ERC2: variants seen among roughly 807,000 people sequenced by gnomAD.
ERC2 encodes the protein ELKS/RAB6-interacting/CAST family member 2.
In ERC2, 42 loss-of-function variants were observed where a neutral mutation model predicts 114.8. That is an observed-to-expected ratio of 0.37 (90% CI 0.29 to 0.47). ERC2 has a LOEUF of 0.47. Ranked by LOEUF, ERC2 falls within the 20% of genes least tolerant of loss-of-function variation. The probability of loss-of-function intolerance (pLI) is 0.99; values close to 1 mark genes in which losing one functional copy is unlikely to be tolerated. For synonymous variants in ERC2, 454 were observed against 425.5 expected (o/e 1.07, Z -0.82); for missense variants, 939 against 1,150.7 (o/e 0.82, Z 2.66).
chr3:55,861,231 A>T (rs2062014241), intron 14 of ERC2, among the ~76,000 whole-genome samples: 1 of 152,250 alleles, frequency 6.6e-6, no homozygotes, highest in Non-Finnish European at 1.5e-5. Flanking sequence ...TCAAAGGCAG[A>T]TCCATCATTC....
intron 3 of ERC2, among the ~76,000 whole-genome samples, chr3:56,199,535 T>C (rs924431319): frequency 6.6e-6 from 1 of 151,060 alleles, no homozygotes. Flanking sequence ...AGAGACAGAG[T>C]GTTGTTCTGT....
intron 3 of ERC2, among the ~76,000 whole-genome samples, chr3:56,215,027 A>G (rs1254733335): frequency 6.6e-6 from 1 of 152,232 alleles, no homozygotes; most frequent in Admixed American, 6.5e-5. Context: ...GGTACCAGCC[A>G]CTGCAAAAAC....
intron 2 of ERC2, among the ~76,000 whole-genome samples, chr3:56,393,292 G>A (rs1560737776): frequency 6.6e-6 from 1 of 152,302 alleles, no homozygotes; most frequent in East Asian, 1.9e-4. Context: ...TAGCTACTCA[G>A]GAGGATGAAG....
At position 55,934,738 on chromosome 3, in the gene ERC2, A is replaced by G. The variant is rs143637933; in HGVS notation, c.2403+15687T>C. Among the ~76,000 whole-genome samples, 403 of 152,354 alleles carry G rather than the reference A, an allele frequency of 2.6e-3. 1 individual carries two copies. The highest frequency in any genetic ancestry group is 4.1e-3 in the Non-Finnish European group (278 of 68,024). ...GATAATTTAGGCCTTTAAGGAATCA[A>G]CATCATCCACAATGTCTACATAATT... On this transcript the variant is annotated intron_variant, in intron 13 of 17. Coordinates refer to ENST00000288221, the MANE Select transcript of ERC2 (RefSeq NM_015576.3).
At chr3:55,554,731 C>T (rs1446620768) in intron 17 of ERC2, among the ~76,000 whole-genome samples, 1 of 152,172 alleles carries the variant, frequency 6.6e-6, no homozygotes, top group African/African-American at 2.4e-5. Flanking sequence ...CTTCCCCCCT[C>T]CCCCCTTCCC....
intron 17 of ERC2, among the ~76,000 whole-genome samples, chr3:55,652,965 G>T (rs1385447043): frequency 4.0e-5 from 6 of 151,322 alleles, no homozygotes; most frequent in African/African-American, 1.5e-4. Flanking sequence ...GTACTGAAAA[G>T]TATCAGAATT....
intron 3 of ERC2, among the ~76,000 whole-genome samples, chr3:56,274,647 T>C (rs923391238): frequency 1.3e-5 from 2 of 152,210 alleles, no homozygotes; most frequent in East Asian, 1.9e-4. Context: ...GGGTGTGTGA[T>C]TGTTCTGTGT....
chr3:55,897,348 C>T (rs2063892466), intron 13 of ERC2, among the ~76,000 whole-genome samples: 1 of 152,138 alleles, frequency 6.6e-6, no homozygotes, highest in South Asian at 2.1e-4. Flanking sequence ...AATTATATGT[C>T]AGCATGGAGT....
chr3:55,882,002 G>A (rs536480651), intron 14 of ERC2, among the ~76,000 whole-genome samples: 1 of 152,314 alleles, frequency 6.6e-6, no homozygotes, highest in South Asian at 2.1e-4. Flanking sequence ...GACTGAAGAA[G>A]GGTATTGCTG....
intron 2 of ERC2, among the ~76,000 whole-genome samples, chr3:56,301,376 T>C (rs756404186): frequency 1.3e-5 from 2 of 152,226 alleles, no homozygotes; most frequent in African/African-American, 2.4e-5. Flanking sequence ...CAAATAGGAA[T>C]CTTGTTCCTA....
chr3:56,217,212 A>C (rs1366887702), intron 3 of ERC2, among the ~76,000 whole-genome samples: 3 of 152,232 alleles, frequency 2.0e-5, no homozygotes, highest in Non-Finnish European at 4.4e-5. Context: ...CCCTGTTTGC[A>C]GATGACATGA....
At chr3:56,432,430 G>C (rs1422340367) in intron 2 of ERC2, among the ~76,000 whole-genome samples, 1 of 152,104 alleles carries the variant, frequency 6.6e-6, no homozygotes, top group African/African-American at 2.4e-5. Flanking sequence ...GTACAAACAG[G>C]TTCATAAAGA....
At chr3:55,749,978 AGAT>A (rs2066578067) in intron 14 of ERC2, among the ~76,000 whole-genome samples, 1 of 152,216 alleles carries the variant, frequency 6.6e-6, no homozygotes. Context: ...CATAATGAAA[AGAT>A]ATCTTTAAGG....
chr3:56,288,500 C>T (rs78471664), intron 3 of ERC2, among the ~76,000 whole-genome samples: 2,755 of 152,020 alleles, frequency 0.018, 90 homozygotes, highest in African/African-American at 0.063. Flanking sequence ...TCTCTGTTAC[C>T]GTAAAAAGCA....
intron 3 of ERC2, among the ~76,000 whole-genome samples, chr3:56,282,168 G>C (rs912578006): frequency 6.6e-6 from 1 of 152,158 alleles, no homozygotes; most frequent in Non-Finnish European, 1.5e-5. Flanking sequence ...CTATTAGACC[G>C]CAAGTCTCCT....
At chr3:56,292,568 T>C (rs553117914) in intron 3 of ERC2, among the ~76,000 whole-genome samples, 1 of 151,890 alleles carries the variant, frequency 6.6e-6, no homozygotes, top group Admixed American at 6.6e-5. Context: ...CCAACCTGGG[T>C]GACAGAGTGA....
At chr3:56,159,418 T>C (rs1196336331) in intron 4 of ERC2, among the ~76,000 whole-genome samples, 2 of 152,226 alleles carry the variant, frequency 1.3e-5, no homozygotes, top group East Asian at 3.8e-4. Context: ...TCTACATTGA[T>C]AAATATAACC....
chr3:56,149,066 C>T lies in ERC2; in HGVS notation c.1216G>A (p.Ala406Thr). 6.2e-7 allele frequency: 1 copy of T among 1,613,248 alleles called. No homozygotes were observed. Among genetic ancestry groups the T allele is most frequent in the Non-Finnish European group, 8.5e-7 (1 of 1,179,538 alleles). The stretch of plus-strand genomic sequence containing the variant: ...TCCTCAGTGTTCAGCACACCATTGG[C>T]TTTTAACATCTGGATCTCATCCTCA... ...DLEDEIQMLKANGVLNTEDRE... is the reference protein window; with the variant it reads ...DLEDEIQMLKTNGVLNTEDRE... The change falls in exon 5 of 18, where the codon GCC becomes ACC. Residue 406 changes from alanine to threonine, a missense_variant. Physicochemically the swap from Ala to Thr is moderately conservative, Grantham distance 58. This residue lies in a region of ERC2 where 148 missense variants were observed against 159.1 expected (regional missense o/e 0.93). Coordinates refer to ENST00000288221, the MANE Select transcript of ERC2 (RefSeq NM_015576.3).
chr3:56,040,580 C>CATATACATATATATGTATATGTAT (rs2075085143), intron 7 of ERC2, among the ~76,000 whole-genome samples: 1 of 74,570 alleles, frequency 1.3e-5, no homozygotes, highest in South Asian at 4.9e-4. Context: ...TATATGTATA[C>CATATACATATATATGTATATGTAT]ATATACATAT....
Sources: gnomAD v4.1 joint callset for allele counts (sites outside exome capture counted in the v4.1 genomes callset) on GRCh38, gnomAD v4.1.1 for gene constraint, gnomAD v4.1.1 regional missense constraint, MANE v1.5 for transcripts, NCBI Gene and HGNC (gene_info 2026-07-23, HGNC 2026-07-21) for gene names.